The following ASIP variants were observed in gnomAD, a reference collection of about 807,000 sequenced individuals.
ASIP encodes agouti signaling protein, also known as agouti-signaling protein.
Under a neutral mutation model 10.3 loss-of-function variants are expected in ASIP, and 11 were observed. The observed-to-expected ratio is 1.07, with a 90% confidence interval of 0.68 to 1.78. The LOEUF is 1.78. Among genes scored for constraint, ASIP ranks in the 40% most tolerant of loss-of-function variants. The probability of loss-of-function intolerance (pLI) is 0.00; values close to 1 mark genes in which losing one functional copy is unlikely to be tolerated. For missense variants in ASIP, 180 were observed against 169.2 expected (o/e 1.06, Z -0.35); for synonymous variants, 70 against 70.8 (o/e 0.99, Z 0.06).
intron 1 of ASIP, among the ~76,000 whole-genome samples, chr20:34,223,082 G>T (rs1227165068): frequency 6.6e-6 from 1 of 152,052 alleles, no homozygotes; most frequent in Non-Finnish European, 1.5e-5. Context: ...TCTCTGCCTG[G>T]CCGCCCATCA....
intron 1 of ASIP, among the ~76,000 whole-genome samples, chr20:34,226,624 G>C (rs1036543644): frequency 2.0e-5 from 3 of 152,200 alleles, no homozygotes; most frequent in African/African-American, 7.2e-5. Context: ...AAAGTGCTAG[G>C]ATTATAGGAA....
chr20:34,245,681 G>A (rs531959757), intron 1 of ASIP, among the ~76,000 whole-genome samples: 10 of 151,870 alleles, frequency 6.6e-5, no homozygotes, highest in Non-Finnish European at 8.8e-5. Flanking sequence ...GAGCCACCAC[G>A]CCCAGCAAAT....
At chr20:34,216,694 G>A (rs2035011324) in intron 1 of ASIP, among the ~76,000 whole-genome samples, 1 of 152,118 alleles carries the variant, frequency 6.6e-6, no homozygotes, top group Non-Finnish European at 1.5e-5. Context: ...TTGCCTCACT[G>A]AATTGATCTG....
chr20:34,235,883 A>G (rs1229795722), intron 1 of ASIP, among the ~76,000 whole-genome samples: 6 of 102,420 alleles, frequency 5.9e-5, no homozygotes, highest in Non-Finnish European at 9.5e-5. Context: ...GGAAGGAAGG[A>G]AGGAAGGAAG....
chr20:34,220,917 G>A (rs1049815038), intron 1 of ASIP, among the ~76,000 whole-genome samples: 1 of 137,346 alleles, frequency 7.3e-6, no homozygotes, highest in Non-Finnish European at 1.6e-5. Flanking sequence ...CCCATTCTCT[G>A]TTGTGTGGAT....
chr20:34,206,189 GT>G (rs2034935477), intron 1 of ASIP, among the ~76,000 whole-genome samples: 1 of 152,078 alleles, frequency 6.6e-6, no homozygotes. Flanking sequence ...TAGAGACGGG[GT>G]TTCACTATGT....
chr20:34,186,537 C>T, the ASIP span, among the ~76,000 whole-genome samples: 1 of 152,132 alleles, frequency 6.6e-6, no homozygotes, highest in Non-Finnish European at 1.5e-5. Flanking sequence ...GTTCACCGAT[C>T]CTTCCTACTC....
At chr20:34,196,239 A>G (rs927418179) in intron 1 of ASIP, among the ~76,000 whole-genome samples, 3 of 128,346 alleles carry the variant, frequency 2.3e-5, no homozygotes, top group Non-Finnish European at 4.6e-5. Context: ...GAGTGCAGTG[A>G]CGTGATCTCG....
intron 1 of ASIP, among the ~76,000 whole-genome samples, chr20:34,216,418 TATG>T (rs1568749152): frequency 6.6e-6 from 1 of 152,238 alleles, no homozygotes; most frequent in Non-Finnish European, 1.5e-5. Context: ...AATGGCGTCT[TATG>T]ATAAGCAAAA....
chr20:34,206,470 TTAA>T (rs567446397), intron 1 of ASIP, among the ~76,000 whole-genome samples: 21 of 152,266 alleles, frequency 1.4e-4, no homozygotes, highest in Non-Finnish European at 3.1e-4. Flanking sequence ...CTTATCTAAC[TTAA>T]TGATGACCTC....
At chr20:34,232,936 T>C (rs1190262471) in intron 1 of ASIP, among the ~76,000 whole-genome samples, 4 of 152,192 alleles carry the variant, frequency 2.6e-5, no homozygotes, top group Non-Finnish European at 5.9e-5. Context: ...CTAAGGGACA[T>C]AGAGAACATT....
chr20:34,216,320 C>T (rs980497679), intron 1 of ASIP, among the ~76,000 whole-genome samples: 23 of 152,344 alleles, frequency 1.5e-4, no homozygotes, highest in Admixed American at 1.3e-3. Flanking sequence ...CGCGGGCGGG[C>T]GCTGGCGCCA....
intron 3 of ASIP, among the ~76,000 whole-genome samples, chr20:34,263,403 A>T (rs930549734): frequency 2.0e-5 from 3 of 152,094 alleles, no homozygotes; most frequent in African/African-American, 7.2e-5. Context: ...CGTCTCTACT[A>T]AAAATACAAA....
intron 1 of ASIP, among the ~76,000 whole-genome samples, chr20:34,243,765 A>G (rs2035321054): frequency 6.6e-6 from 1 of 151,650 alleles, no homozygotes; most frequent in Admixed American, 6.6e-5. Context: ...ATTTAAAAAA[A>G]AAAAAAAAAA....
chr20:34,258,806 T>A (rs1471975272), intron 1 of ASIP, among the ~76,000 whole-genome samples: 5 of 118,816 alleles, frequency 4.2e-5, no homozygotes, highest in Admixed American at 1.1e-4. Context: ...ATATAATATA[T>A]GATATATATA....
chr20:34,240,837 A>T (rs563782701), upstream of ASIP, among the ~76,000 whole-genome samples: 17 of 152,296 alleles, frequency 1.1e-4, no homozygotes, highest in Admixed American at 9.8e-4. Flanking sequence ...TTGTAACCTC[A>T]ATGTCAACAT....
At chr20:34,207,539 C>T (rs1297271758) in intron 1 of ASIP, among the ~76,000 whole-genome samples, 1 of 152,108 alleles carries the variant, frequency 6.6e-6, no homozygotes, top group Admixed American at 6.5e-5. Context: ...GATATTATCG[C>T]ATTTGTCCAT....
At chr20:34,215,299 T>G in intron 1 of ASIP, 1 of 1,547,794 alleles carries the variant, frequency 6.5e-7, no homozygotes, top group Admixed American at 1.7e-5. Flanking sequence ...CACTTCAGAA[T>G]TAGTATACTG....
chr20:34,237,868 G>T (rs547583238), upstream of ASIP, among the ~76,000 whole-genome samples: 1 of 152,046 alleles, frequency 6.6e-6, no homozygotes, highest in Non-Finnish European at 1.5e-5. Context: ...ATGAAATTAT[G>T]TTAGAGTTTG....
Sources: gnomAD v4.1 joint callset for allele counts (sites outside exome capture counted in the v4.1 genomes callset) on GRCh38, gnomAD v4.1.1 for gene constraint, MANE v1.5 for transcripts, NCBI Gene and HGNC (gene_info 2026-07-23, HGNC 2026-07-21) for gene names.